Variants in CEP63 observed in about 807,000 individuals in gnomAD.
The protein encoded by CEP63 is centrosomal protein 63.
CEP63 carries 84 observed loss-of-function variants against 89.1 expected under a neutral mutation model. That is an observed-to-expected ratio of 0.94 (90% CI 0.79 to 1.13). The LOEUF is 1.13. Ranked by LOEUF, CEP63 falls within the 50% of genes most tolerant of loss-of-function variation. The probability of loss-of-function intolerance (pLI) is 0.00; values close to 1 mark genes in which losing one functional copy is unlikely to be tolerated. For missense variants in CEP63, 838 were observed against 813.3 expected (o/e 1.03, Z -0.37); for synonymous variants, 267 against 272.5 (o/e 0.98, Z 0.20).
chr3:134,562,114 C>G lies in CEP63; in HGVS notation c.*579C>G. The G allele has an allele frequency of 1.0e-6, 1 of 989,938 alleles. No individual in the cohort carries two copies. The highest frequency in any genetic ancestry group is 1.2e-6 in the Non-Finnish European group (1 of 832,830). 61.3% of individuals were successfully genotyped at this position (989,938 alleles called of 1,614,324 possible). A position where few individuals can be genotyped will look rare whatever the true frequency, so the allele number is the denominator to read the frequency against. On this transcript the variant is annotated 3_prime_UTR_variant, in exon 15 of 15. Coordinates refer to ENST00000675561, the MANE Select transcript of CEP63 (RefSeq NM_001353108.3). ...TCAAGCAGTCCTCTCTTGCTCAACA[C>G]TCATGCAGAGGAGAGAGGCAGGGAG...
the CEP63 span, chr3:134,608,468 G>A: frequency 8.5e-6 from 13 of 1,530,852 alleles, no homozygotes; most frequent in East Asian, 3.0e-4. Context: ...CTGCCCTGAT[G>A]GCCTGGGCTG....
the CEP63 span, chr3:134,629,488 C>A: frequency 1.5e-6 from 1 of 661,976 alleles, no homozygotes; most frequent in Non-Finnish European, 2.7e-6. Context: ...CATGCTTCTG[C>A]CTTTTCCCAG....
the CEP63 span, among the ~76,000 whole-genome samples, chr3:134,720,950 G>A: frequency 2.0e-5 from 3 of 152,024 alleles, no homozygotes; most frequent in Admixed American, 2.0e-4. Context: ...GATTGTTTTG[G>A]CTATTTTGCG....
At chr3:134,745,896 G>A in the CEP63 span, among the ~76,000 whole-genome samples, 1 of 150,616 alleles carries the variant, frequency 6.6e-6, no homozygotes, top group Non-Finnish European at 1.5e-5. Context: ...ATTCCATGGT[G>A]TATATGTGCC....
chr3:134,744,508 T>C, the CEP63 span, among the ~76,000 whole-genome samples: 1 of 152,166 alleles, frequency 6.6e-6, no homozygotes, highest in South Asian at 2.1e-4. Context: ...CCACTACTTC[T>C]CTCTCTTCAA....
At chr3:134,546,545 C>T (rs1043788087) in intron 8 of CEP63, among the ~76,000 whole-genome samples, 2 of 151,924 alleles carry the variant, frequency 1.3e-5, no homozygotes, top group Non-Finnish European at 2.9e-5. Flanking sequence ...TTTTTAGAGA[C>T]GGGCATTCAT....
the CEP63 span, among the ~76,000 whole-genome samples, chr3:134,676,953 C>T: frequency 4.6e-5 from 7 of 152,154 alleles, no homozygotes; most frequent in Non-Finnish European, 1.0e-4. Flanking sequence ...ATAGTTCTCC[C>T]GGCCAGGTGC....
At chr3:134,557,768 C>T (rs761125054) in intron 12 of CEP63, among the ~76,000 whole-genome samples, 50 of 152,054 alleles carry the variant, frequency 3.3e-4, no homozygotes, top group Non-Finnish European at 6.0e-4. Flanking sequence ...ACTAGGTCTC[C>T]GTTTTCTTTC....
chr3:134,765,467 G>A, the CEP63 span, among the ~76,000 whole-genome samples: 1 of 152,208 alleles, frequency 6.6e-6, no homozygotes, highest in Admixed American at 6.5e-5. Context: ...CAACACATCT[G>A]TGAGTGAGTG....
chr3:134,727,628 T>C, the CEP63 span, among the ~76,000 whole-genome samples: 4 of 152,252 alleles, frequency 2.6e-5, no homozygotes, highest in Non-Finnish European at 4.4e-5. Context: ...AAACTCCTTG[T>C]TGTGAAGTCA....
the CEP63 span, among the ~76,000 whole-genome samples, chr3:134,721,591 T>C: frequency 6.6e-6 from 1 of 152,160 alleles, no homozygotes; most frequent in Non-Finnish European, 1.5e-5. Context: ...GGTATGATGC[T>C]AGCTGTGGAT....
At chr3:134,651,164 C>G in the CEP63 span, 1 of 1,427,044 alleles carries the variant, frequency 7.0e-7, no homozygotes, top group Non-Finnish European at 9.2e-7. Flanking sequence ...GGGCGCTACC[C>G]TAATGAAGCG....
At chr3:134,587,724 C>T (rs1399792510) in exon 11 of CEP63, among the ~76,000 whole-genome samples, 1 of 152,128 alleles carries the variant, frequency 6.6e-6, no homozygotes, top group Admixed American at 6.5e-5. Flanking sequence ...AACCACTGCT[C>T]TCTTTGGAGC....
At chr3:134,779,471 T>G in the CEP63 span, among the ~76,000 whole-genome samples, 1 of 152,326 alleles carries the variant, frequency 6.6e-6, no homozygotes, top group South Asian at 2.1e-4. Flanking sequence ...AGGGCATTGC[T>G]AAGGTATTCC....
At chr3:134,676,265 T>G in the CEP63 span, among the ~76,000 whole-genome samples, 1 of 152,148 alleles carries the variant, frequency 6.6e-6, no homozygotes, top group South Asian at 2.1e-4. Context: ...AATGGAGCAG[T>G]GATACATGCC....
chr3:134,717,746 G>A, the CEP63 span, among the ~76,000 whole-genome samples: 3 of 152,188 alleles, frequency 2.0e-5, no homozygotes, highest in African/African-American at 7.2e-5. Flanking sequence ...AGAAGAAATT[G>A]CCTGAGAGCA....
chr3:134,533,783 G>C (rs1950265678), intron 5 of CEP63, among the ~76,000 whole-genome samples: 1 of 152,126 alleles, frequency 6.6e-6, no homozygotes, highest in Non-Finnish European at 1.5e-5. Flanking sequence ...CAACATCTTT[G>C]TGTGATCACT....
Position 134,532,895 on chromosome 3 carries a change from A to T in CEP63, c.436A>T (p.Ile146Leu). 6.2e-7 allele frequency: 1 copy of T among 1,613,676 alleles called. No individual in the cohort carries two copies. The highest frequency in any genetic ancestry group is 8.5e-7 in the Non-Finnish European group (1 of 1,179,746). Residue 146 changes from isoleucine (I) to leucine (L), a missense_variant, in exon 5 of 15, where the codon ATA (isoleucine) becomes TTA (leucine). Coordinates refer to ENST00000675561, the MANE Select transcript of CEP63 (RefSeq NM_001353108.3). The stretch of plus-strand genomic sequence containing the variant: ...TGAAATTGAGAGGTTAACTGCAAAA[A>T]TAGAGGTATGTTCATAGTAATAATT... Reference protein sequence around the residue: ...RSEIERLTAKIEEFRQKSLDW... With the variant: ...RSEIERLTAKLEEFRQKSLDW...
At chr3:134,774,401 T>A in the CEP63 span, among the ~76,000 whole-genome samples, 2 of 152,206 alleles carry the variant, frequency 1.3e-5, no homozygotes, top group Non-Finnish European at 2.9e-5. Context: ...AGAGTAAAAT[T>A]GCCTTATTGA....
Sources: gnomAD v4.1 joint callset for allele counts (sites outside exome capture counted in the v4.1 genomes callset) on GRCh38, gnomAD v4.1.1 for gene constraint, MANE v1.5 for transcripts, NCBI Gene and HGNC (gene_info 2026-07-23, HGNC 2026-07-21) for gene names.